BTBD7: variants seen among roughly 807,000 people sequenced by gnomAD.
BTBD7 encodes BTB domain containing 7, also known as BTB/POZ domain-containing protein 7.
BTBD7 carries 38 observed loss-of-function variants against 99.9 expected under a neutral mutation model. That is an observed-to-expected ratio of 0.38 (90% confidence interval 0.29 to 0.50). BTBD7 has a LOEUF of 0.50. BTBD7 is among the 20% of genes least tolerant of loss of function. The pLI, the probability that BTBD7 is intolerant of heterozygous loss-of-function variation, is 0.93. For missense variants in BTBD7, 1,170 were observed against 1,394.6 expected, an observed-to-expected ratio of 0.84 and a Z score of 2.57; for synonymous variants, 520 against 511.4, an observed-to-expected ratio of 1.02 and a Z score of -0.23.
chr14:93,293,765 A>C, intron 3 of BTBD7, 93 bp downstream of exon 3: 3 of 1,471,618 alleles, frequency 2.0e-6, no homozygotes, highest in Non-Finnish European at 2.7e-6. Flanking sequence ...AACATCCCAA[A>C]CACTGAAATC....
At chr14:93,257,058 A>T in intron 6 of BTBD7, 137 bp downstream of exon 6, 2 of 833,622 alleles carry the variant, frequency 2.4e-6, no homozygotes, top group Non-Finnish European at 3.7e-6. Flanking sequence ...ATCGTACACA[A>T]TAGACATCTG....
chr14:93,298,194 A>T (rs547592619), intron 1 of BTBD7, among the ~76,000 whole-genome samples: 21 of 152,316 alleles, frequency 1.4e-4, no homozygotes, highest in African/African-American at 5.1e-4. Flanking sequence ...AGCGGACAAG[A>T]ATTTACTACT....
intron 1 of BTBD7, among the ~76,000 whole-genome samples, chr14:93,303,064 C>A (rs1194452093): frequency 6.6e-6 from 1 of 152,086 alleles, no homozygotes; most frequent in East Asian, 1.9e-4. Flanking sequence ...TTGTTCGGAA[C>A]ACAATAGAGG....
chr14:93,331,889 C>CCCA (rs1555394531), intron 1 of BTBD7, among the ~76,000 whole-genome samples: 1,993 of 141,170 alleles, frequency 0.014, 50 homozygotes, highest in Middle Eastern at 0.032. Context: ...TCCCCCCCCC[C>CCCA]AAAAAGGTTG....
intron 1 of BTBD7, among the ~76,000 whole-genome samples, chr14:93,326,909 T>C (rs573576785): frequency 3.5e-4 from 54 of 152,336 alleles, no homozygotes; most frequent in Non-Finnish European, 7.5e-4. Flanking sequence ...TGGTGAACTT[T>C]GATTTTGCTT....
intron 1 of BTBD7, among the ~76,000 whole-genome samples, chr14:93,300,737 TG>T (rs1250809934): frequency 2.3e-5 from 2 of 85,682 alleles, no homozygotes; most frequent in East Asian, 3.1e-4. Flanking sequence ...TGTGTGTGTG[TG>T]TGTGTGTGTG....
chr14:93,327,105 G>A (rs113838060), intron 1 of BTBD7, among the ~76,000 whole-genome samples: 1 of 152,190 alleles, frequency 6.6e-6, no homozygotes, highest in Non-Finnish European at 1.5e-5. Context: ...AGGCAGCAGT[G>A]AGTCATGACT....
chr14:93,311,231 C>G (rs1034529241), intron 1 of BTBD7, among the ~76,000 whole-genome samples: 40 of 152,094 alleles, frequency 2.6e-4, no homozygotes, highest in African/African-American at 9.7e-4. Flanking sequence ...GACAGTAGAG[C>G]CTTATTCAAA....
chr14:93,269,132 C>T (rs1234023997), intron 3 of BTBD7, among the ~76,000 whole-genome samples: 3 of 151,966 alleles, frequency 2.0e-5, no homozygotes, highest in Non-Finnish European at 4.4e-5. Context: ...GCAGAAAGCA[C>T]CTTATAAATA....
intron 1 of BTBD7, among the ~76,000 whole-genome samples, chr14:93,308,030 C>T (rs1002644584): frequency 6.6e-6 from 1 of 152,078 alleles, no homozygotes; most frequent in Non-Finnish European, 1.5e-5. Flanking sequence ...CACGGTGGCT[C>T]AATCCTGTAA....
intron 6 of BTBD7, among the ~76,000 whole-genome samples, chr14:93,254,634 T>C (rs7155492): frequency 0.02 from 3,043 of 152,304 alleles, 108 homozygotes; most frequent in African/African-American, 0.07. Context: ...GGCTCCTGTA[T>C]GGCTCTGGAG....
At chr14:93,312,757 TGTG>T (rs2053152657) in intron 1 of BTBD7, among the ~76,000 whole-genome samples, 2 of 152,186 alleles carry the variant, frequency 1.3e-5, no homozygotes, top group Admixed American at 6.5e-5. Context: ...GGCAGGCAGT[TGTG>T]GTTCTTCTGC....
chr14:93,247,967 A>G (rs2052331206), intron 9 of BTBD7, among the ~76,000 whole-genome samples: 1 of 152,212 alleles, frequency 6.6e-6, no homozygotes, highest in Non-Finnish European at 1.5e-5. Context: ...GGGCATGTGA[A>G]AGGTGTGTAA....
chr14:93,251,194 A>G (rs903214985), intron 8 of BTBD7, among the ~76,000 whole-genome samples: 7 of 152,260 alleles, frequency 4.6e-5, no homozygotes, highest in African/African-American at 1.7e-4. Flanking sequence ...ACAGCTCTCC[A>G]TTAACAGAAT....
At chr14:93,327,817 A>G (rs2053351002) in intron 1 of BTBD7, among the ~76,000 whole-genome samples, 1 of 152,202 alleles carries the variant, frequency 6.6e-6, no homozygotes, top group Non-Finnish European at 1.5e-5. Context: ...CCAAATTCGA[A>G]AGCAAGAAGT....
chr14:93,324,367 A>C (rs938905534), intron 1 of BTBD7, among the ~76,000 whole-genome samples: 8 of 151,260 alleles, frequency 5.3e-5, no homozygotes, highest in African/African-American at 1.9e-4. Flanking sequence ...GGTTGGAGTG[A>C]GCTGTGATTG....
intron 3 of BTBD7, among the ~76,000 whole-genome samples, chr14:93,274,857 T>TG (rs1257821423): frequency 6.6e-6 from 1 of 152,224 alleles, no homozygotes; most frequent in East Asian, 1.9e-4. Context: ...GTCAAACTAA[T>TG]GGGTCATTCA....
intron 3 of BTBD7, among the ~76,000 whole-genome samples, chr14:93,290,631 C>T (rs983590547): frequency 6.6e-6 from 1 of 151,504 alleles, no homozygotes; most frequent in African/African-American, 2.4e-5. Context: ...AATTCTCATG[C>T]CTCAGCCTCC....
chr14:93,266,769 A>G (rs1278657861), intron 3 of BTBD7, among the ~76,000 whole-genome samples: 1 of 152,260 alleles, frequency 6.6e-6, no homozygotes, highest in African/African-American at 2.4e-5. Context: ...AGATGGTAAC[A>G]GAGCAAATAA....
Sources: gnomAD v4.1 joint callset for allele counts (sites outside exome capture counted in the v4.1 genomes callset) on GRCh38, gnomAD v4.1.1 for gene constraint, MANE v1.5 for transcripts, NCBI Gene and HGNC (gene_info 2026-07-23, HGNC 2026-07-21) for gene names.